The following ITGBL1 variants were observed in gnomAD, a reference collection of about 807,000 sequenced individuals.
ITGBL1 encodes the protein integrin beta-like protein 1.
A neutral mutation model predicts 68.5 loss-of-function variants in ITGBL1; 51 were observed. The observed-to-expected ratio is 0.74, with a 90% CI of 0.59 to 0.94. The LOEUF is 0.94. Ranked by LOEUF, ITGBL1 falls within the 40% of genes least tolerant of loss-of-function variation. The pLI is 0.00. For missense variants in ITGBL1, 649 were observed against 647.4 expected (o/e 1.00, Z -0.03); for synonymous variants, 209 against 227.3 (o/e 0.92, Z 0.72).
chr13:101,491,716 G>T (rs1227250481), intron 2 of ITGBL1, among the ~76,000 whole-genome samples: 3 of 152,080 alleles, frequency 2.0e-5, no homozygotes, highest in Non-Finnish European at 4.4e-5. Flanking sequence ...ATGGTGGTTT[G>T]CTGCACCCAT....
In ITGBL1 at chr13:101,575,556, T is replaced by A. The variant is rs772637725; in HGVS notation, c.586+10T>A. The A allele has an allele frequency of 6.8e-6, 11 of 1,610,170 alleles. No homozygotes were observed. In the Admixed American group the frequency reaches 1.0e-4, roughly 15 times the overall value. ...GAAGAAATATGTGGAGGTATGTATATTGGCTCTGTAGAAATTAATAAAAGT... is the reference window on the plus strand; with the variant it reads ...GAAGAAATATGTGGAGGTATGTATAATGGCTCTGTAGAAATTAATAAAAGT... On this transcript the variant is annotated intron_variant, in intron 4 of 10. Transcript: ENST00000376180.
chr13:101,519,499 T>C (rs1007794257), intron 2 of ITGBL1, among the ~76,000 whole-genome samples: 1 of 152,092 alleles, frequency 6.6e-6, no homozygotes, highest in African/African-American at 2.4e-5. Context: ...CTCCCACCAC[T>C]CCTTCCTTCC....
intron 7 of ITGBL1, among the ~76,000 whole-genome samples, chr13:101,671,681 G>A (rs368524212): frequency 7.3e-5 from 11 of 151,252 alleles, no homozygotes; most frequent in Non-Finnish European, 1.0e-4. Context: ...CTCATGATCC[G>A]CCCACCTCTG....
At chr13:101,589,351 C>A (rs944995600) in intron 6 of ITGBL1, among the ~76,000 whole-genome samples, 1 of 152,178 alleles carries the variant, frequency 6.6e-6, no homozygotes, top group Non-Finnish European at 1.5e-5. Flanking sequence ...CTACTCTCCC[C>A]AGACAATAAA....
intron 7 of ITGBL1, among the ~76,000 whole-genome samples, chr13:101,618,855 G>GA (rs1269290879): frequency 1.3e-5 from 2 of 151,926 alleles, no homozygotes; most frequent in Non-Finnish European, 1.5e-5. Flanking sequence ...GTTTAAGGGA[G>GA]AAAAAAAATA....
chr13:101,661,774 A>G (rs1164692800), intron 7 of ITGBL1, among the ~76,000 whole-genome samples: 3 of 152,216 alleles, frequency 2.0e-5, no homozygotes, highest in South Asian at 2.1e-4. Flanking sequence ...AGTGGAAGAT[A>G]AACGAGAAAC....
chr13:101,628,152 A>G (rs1418257974), intron 7 of ITGBL1, among the ~76,000 whole-genome samples: 1 of 152,226 alleles, frequency 6.6e-6, no homozygotes, highest in Non-Finnish European at 1.5e-5. Context: ...ACAAGCGTAT[A>G]GTGGTATTTC....
intron 8 of ITGBL1, among the ~76,000 whole-genome samples, chr13:101,696,128 A>G (rs2033997142): frequency 6.6e-6 from 1 of 152,116 alleles, no homozygotes; most frequent in African/African-American, 2.4e-5. Context: ...GTCCCCAATT[A>G]TATGAGTTCA....
chr13:101,547,325 A>G (rs2049843373), intron 2 of ITGBL1, among the ~76,000 whole-genome samples: 1 of 151,886 alleles, frequency 6.6e-6, no homozygotes, highest in South Asian at 2.1e-4. Flanking sequence ...TTATTTTCTA[A>G]TTTATTAACT....
intron 10 of ITGBL1, chr13:101,714,791 A>G (rs1170916562): frequency 1.2e-5 from 6 of 511,814 alleles, no homozygotes; most frequent in Non-Finnish European, 2.1e-5. Flanking sequence ...ATCCTTCCAC[A>G]AAGTAACCTC....
intron 2 of ITGBL1, among the ~76,000 whole-genome samples, chr13:101,462,930 A>G (rs1045979428): frequency 3.3e-5 from 5 of 152,184 alleles, no homozygotes; most frequent in Admixed American, 1.3e-4. Flanking sequence ...TTTCTAAAGC[A>G]TGAAGAGAGG....
At chr13:101,471,573 T>C (rs985948054) in intron 2 of ITGBL1, among the ~76,000 whole-genome samples, 1 of 148,094 alleles carries the variant, frequency 6.8e-6, no homozygotes, top group African/African-American at 2.4e-5. Context: ...TGTGTGTATA[T>C]ATATTTCTCA....
chr13:101,562,635 G>A (rs2050118305), intron 2 of ITGBL1, among the ~76,000 whole-genome samples: 2 of 151,752 alleles, frequency 1.3e-5, no homozygotes, highest in Admixed American at 1.3e-4. Context: ...AAAATGCTAA[G>A]TATATATACA....
chr13:101,699,949 T>A (rs2034096429), intron 8 of ITGBL1, among the ~76,000 whole-genome samples: 2 of 152,224 alleles, frequency 1.3e-5, no homozygotes, highest in South Asian at 4.1e-4. Flanking sequence ...CAACACAATC[T>A]TAGTTTTCTC....
At chr13:101,666,520 T>TTC (rs59970309) in intron 7 of ITGBL1, among the ~76,000 whole-genome samples, 1 of 151,618 alleles carries the variant, frequency 6.6e-6, no homozygotes, top group Non-Finnish European at 1.5e-5. Flanking sequence ...GTTTTTTTTT[T>TTC]CTCGTGAATT....
chr13:101,642,229 T>G (rs1196679814), intron 7 of ITGBL1, among the ~76,000 whole-genome samples: 1 of 152,072 alleles, frequency 6.6e-6, no homozygotes, highest in Non-Finnish European at 1.5e-5. Flanking sequence ...CACTTGTTGT[T>G]TCCTGACTTT....
intron 2 of ITGBL1, among the ~76,000 whole-genome samples, chr13:101,533,951 A>G (rs910477509): frequency 1.3e-5 from 2 of 152,202 alleles, no homozygotes; most frequent in Non-Finnish European, 2.9e-5. Flanking sequence ...ATCTTTGCCT[A>G]TTTTCCAAGT....
intron 2 of ITGBL1, among the ~76,000 whole-genome samples, chr13:101,538,401 GT>G (rs2049617576): frequency 1.3e-5 from 2 of 152,082 alleles, no homozygotes; most frequent in Admixed American, 1.3e-4. Flanking sequence ...CCATTTGAGG[GT>G]TAAGAAGGCT....
At chr13:101,576,207 G>A (rs1249709196) in intron 4 of ITGBL1, among the ~76,000 whole-genome samples, 2 of 152,114 alleles carry the variant, frequency 1.3e-5, no homozygotes, top group Non-Finnish European at 2.9e-5. Flanking sequence ...GATAAATTAG[G>A]TAACGAACCC....
Sources: allele counts gnomAD v4.1 joint callset (sites outside exome capture counted in the v4.1 genomes callset), GRCh38; gene constraint gnomAD v4.1.1; transcripts MANE v1.5; gene names NCBI Gene and HGNC (gene_info 2026-07-23, HGNC 2026-07-21).